The following CSMD3 variants were observed in gnomAD, a reference collection of about 807,000 sequenced individuals.
CSMD3 encodes the protein CUB and Sushi multiple domains 3.
Under a neutral mutation model 435.2 loss-of-function variants are expected in CSMD3, and 177 were observed. The observed-to-expected ratio is 0.41, with a 90% confidence interval of 0.36 to 0.46. The LOEUF (loss-of-function observed/expected upper bound fraction) is 0.46. CSMD3 is among the 20% of genes least tolerant of loss of function. The pLI, the probability that CSMD3 is intolerant of heterozygous loss-of-function variation, is 0.34. For synonymous variants in CSMD3, 1,656 were observed against 1,520.5 expected (o/e 1.09, Z -2.07); for missense variants, 4,265 against 4,504.6 (o/e 0.95, Z 1.52).
chr8:113,406,100 A>G (rs1490733623), intron 1 of CSMD3, among the ~76,000 whole-genome samples: 1 of 151,884 alleles, frequency 6.6e-6, no homozygotes, highest in African/African-American at 2.4e-5. Flanking sequence ...AAGAAAACAG[A>G]TTTCAGAAAT....
At chr8:112,393,135 C>T (rs1314027970) in intron 35 of CSMD3, among the ~76,000 whole-genome samples, 1 of 152,108 alleles carries the variant, frequency 6.6e-6, no homozygotes, top group Non-Finnish European at 1.5e-5. Flanking sequence ...ACAATGCCGC[C>T]TCAGCCTCCT....
chr8:112,313,450 AG>A (rs1822171459), intron 49 of CSMD3, among the ~76,000 whole-genome samples: 1 of 152,184 alleles, frequency 6.6e-6, no homozygotes, highest in Admixed American at 6.5e-5. Context: ...TGTCATTTAA[AG>A]GAGTTCTTAA....
At chr8:113,382,638 T>C (rs2133111004) in intron 1 of CSMD3, among the ~76,000 whole-genome samples, 1 of 152,254 alleles carries the variant, frequency 6.6e-6, no homozygotes, top group East Asian at 1.9e-4. Flanking sequence ...CTCATAAACT[T>C]TGTGATTCTA....
intron 3 of CSMD3, among the ~76,000 whole-genome samples, chr8:113,244,352 G>C (rs938429483): frequency 2.0e-5 from 3 of 152,196 alleles, no homozygotes; most frequent in African/African-American, 7.2e-5. Flanking sequence ...GTCTCATGCT[G>C]TTGCCCAGGC....
chr8:112,425,416 G>A (rs1443430430), intron 32 of CSMD3, among the ~76,000 whole-genome samples: 1 of 152,102 alleles, frequency 6.6e-6, no homozygotes, highest in African/African-American at 2.4e-5. Flanking sequence ...AAATCTAAAG[G>A]AAGCCTATTG....
In CSMD3 at chr8:112,773,842, G is replaced by A. The variant is rs73342105; in HGVS notation, c.1972+26320C>T. Reference sequence around the variant, plus strand: ...AAAGTATATAAATATTATATTTCCTGCCAAAGTAGAAAGAATGTAACAAAA... The same window carrying A: ...AAAGTATATAAATATTATATTTCCTACCAAAGTAGAAAGAATGTAACAAAA... On this transcript the variant is annotated intron_variant, in intron 13 of 70. Coordinates refer to ENST00000297405, the MANE Select transcript of CSMD3 (RefSeq NM_198123.2). Among the ~76,000 whole-genome samples, 455 of 152,070 alleles carry A rather than the reference G, an allele frequency of 3.0e-3. 1 individual carries two copies. Among genetic ancestry groups the A allele is most frequent in the African/African-American group, 0.01 (422 of 41,538 alleles).
At chr8:112,580,970 T>A (rs1830297438) in intron 23 of CSMD3, among the ~76,000 whole-genome samples, 1 of 152,080 alleles carries the variant, frequency 6.6e-6, no homozygotes, top group African/African-American at 2.4e-5. Context: ...AAAATAAAAA[T>A]TAGGTCATTT....
intron 29 of CSMD3, among the ~76,000 whole-genome samples, 180 bp from the exon 30 acceptor site, chr8:112,504,157 C>T: frequency 6.6e-6 from 1 of 151,710 alleles, no homozygotes; most frequent in East Asian, 1.9e-4. Context: ...ATATAAATAT[C>T]AAATAAGCAG....
rs564948700 is a variant in CSMD3 at position 113,403,180 on chromosome 8, A to G, written c.178+33497T>C. Among the ~76,000 whole-genome samples, 8 of 151,386 alleles carry G rather than the reference A, an allele frequency of 5.3e-5. No homozygotes were observed. In the South Asian group the frequency reaches 1.7e-3, roughly 31 times the overall value. ...TAGGATTCATCGTAGTTTTTTATAT[A>G]TATTTTAACTAATGAAAAACTGCTT... On this transcript the variant is annotated intron_variant, in intron 1 of 70. Transcript: ENST00000297405.
At chr8:112,254,136 G>A in intron 63 of CSMD3, 117 bp downstream of exon 63, 1 of 818,348 alleles carries the variant, frequency 1.2e-6, no homozygotes, top group Non-Finnish European at 2.2e-6. Context: ...CTTTTTATGT[G>A]TTTATAAATG....
intron 4 of CSMD3, among the ~76,000 whole-genome samples, chr8:113,163,584 A>C (rs2092088490): frequency 6.6e-6 from 1 of 152,022 alleles, no homozygotes; most frequent in East Asian, 1.9e-4. Flanking sequence ...ATTAAACTGT[A>C]GAAAAAATTA....
chr8:112,476,085 G>A (rs1027171045), intron 31 of CSMD3, among the ~76,000 whole-genome samples: 1 of 151,662 alleles, frequency 6.6e-6, no homozygotes, highest in African/African-American at 2.4e-5. Context: ...TGCTTTTGTT[G>A]CCCAGGCTGG....
chr8:112,372,843 T>A (rs915769022), intron 38 of CSMD3, among the ~76,000 whole-genome samples: 4 of 151,036 alleles, frequency 2.6e-5, no homozygotes, highest in African/African-American at 9.7e-5. Flanking sequence ...AGCGAGACTA[T>A]GTCTCCAAAA....
At chr8:112,572,218 T>C (rs960733454) in intron 24 of CSMD3, among the ~76,000 whole-genome samples, 2 of 152,098 alleles carry the variant, frequency 1.3e-5, no homozygotes, top group Admixed American at 6.6e-5. Flanking sequence ...GTCTGGACTA[T>C]TATTTTTCCT....
chr8:113,399,244 A>G (rs1456010822), intron 1 of CSMD3, among the ~76,000 whole-genome samples: 1 of 151,220 alleles, frequency 6.6e-6, no homozygotes, highest in Non-Finnish European at 1.5e-5. Context: ...AGGAATGTAA[A>G]TTGGTAAAGC....
intron 1 of CSMD3, among the ~76,000 whole-genome samples, chr8:113,425,127 G>A (rs1242592509): frequency 2.0e-5 from 3 of 151,404 alleles, no homozygotes; most frequent in African/African-American, 7.3e-5. Context: ...AAGAGTTCTA[G>A]AACTGATAAG....
intron 3 of CSMD3, among the ~76,000 whole-genome samples, chr8:113,272,252 T>C (rs1006557667): frequency 6.6e-6 from 1 of 152,066 alleles, no homozygotes; most frequent in East Asian, 1.9e-4. Flanking sequence ...TTTTGAAATA[T>C]GAGGATGTGA....
At chr8:112,794,111 G>C (rs1217731820) in intron 13 of CSMD3, among the ~76,000 whole-genome samples, 1 of 151,708 alleles carries the variant, frequency 6.6e-6, no homozygotes. Context: ...ACAATGCTAT[G>C]TCTTTCTTTC....
At chr8:113,084,028 C>T (rs995818934) in intron 5 of CSMD3, among the ~76,000 whole-genome samples, 7 of 151,834 alleles carry the variant, frequency 4.6e-5, no homozygotes, top group Middle Eastern at 3.4e-3. Context: ...GACTGGCTAA[C>T]GAATAAAAAA....
Sources: allele counts gnomAD v4.1 joint callset (sites outside exome capture counted in the v4.1 genomes callset), GRCh38; gene constraint gnomAD v4.1.1; transcripts MANE v1.5; gene names NCBI Gene and HGNC (gene_info 2026-07-23, HGNC 2026-07-21).